UBP1: variants seen among roughly 807,000 people sequenced by gnomAD.
UBP1 encodes the protein upstream binding protein 1.
UBP1 carries 22 observed loss-of-function variants against 76.1 expected under a neutral mutation model. The ratio of observed to expected loss-of-function variants is 0.29; its 90% CI spans 0.21 to 0.41. The LOEUF is 0.41. Ranked by LOEUF, UBP1 falls within the 10% of genes least tolerant of loss-of-function variation. UBP1 has a pLI of 1.00. For missense variants in UBP1, 436 were observed against 668.1 expected, an observed-to-expected ratio of 0.65 and a Z score of 3.83; for synonymous variants, 224 against 237.1, an observed-to-expected ratio of 0.94 and a Z score of 0.51.
chr3:33,393,531 G>A (rs888882049), intron 13 of UBP1, 77 bp from the exon 14 acceptor site: 16 of 1,415,042 alleles, frequency 1.1e-5, no homozygotes, highest in Non-Finnish European at 1.5e-5. Context: ...TGTAGGATCT[G>A]TACGAAGGTC....
intron 3 of UBP1, chr3:33,414,081 T>C (rs112708656): frequency 0.015 from 2,123 of 140,462 alleles, 21 homozygotes; most frequent in South Asian, 0.029. Context: ...TTCTAGAAGG[T>C]TGGACTAAAA....
Position 33,440,110 on chromosome 3 carries a change from C to T in UBP1, c.-262G>A. 1 of 317,308 alleles carries T rather than the reference C, an allele frequency of 3.2e-6. No individual in the cohort carries two copies. The highest frequency in any genetic ancestry group is 5.7e-6 in the Non-Finnish European group (1 of 174,852). The allele number at this position is 317,308 out of a possible 1,614,324, so 19.7% of individuals were successfully genotyped here. A position where few individuals can be genotyped will look rare whatever the true frequency, so the allele number is the denominator to read the frequency against. On this transcript the variant is annotated 5_prime_UTR_variant, in exon 1 of 16. Transcript: ENST00000283629. ...ACACCGGCCCTGCGCCTCATGCCGG[C>T]GCCGCCGCCCAGCCCCCGCGCCGCT...
chr3:33,408,922 A>G, intron 7 of UBP1, 125 bp from the exon 8 acceptor site: 2 of 999,210 alleles, frequency 2.0e-6, no homozygotes, highest in Non-Finnish European at 3.0e-6. Flanking sequence ...AAAGTTAAAA[A>G]AAATGCAAAA....
intron 10 of UBP1, 96 bp from the exon 11 acceptor site, chr3:33,400,378 C>T: frequency 2.1e-6 from 2 of 933,602 alleles, no homozygotes; most frequent in South Asian, 1.8e-5. Context: ...AAGTAAAAAA[C>T]ACCCAAAAAG....
At chr3:33,395,693 C>T (rs2043951420) in intron 13 of UBP1, among the ~76,000 whole-genome samples, 1 of 132,380 alleles carries the variant, frequency 7.6e-6, no homozygotes, top group African/African-American at 2.9e-5. Context: ...TACATGCAGG[C>T]ACTGTTGCAC....
intron 8 of UBP1, among the ~76,000 whole-genome samples, chr3:33,405,453 T>C (rs1286560394): frequency 6.6e-6 from 1 of 152,232 alleles, no homozygotes; most frequent in Non-Finnish European, 1.5e-5. Flanking sequence ...TTTGCAGCTA[T>C]TTAAATTTAT....
chr3:33,431,126 T>G (rs574995330), intron 1 of UBP1, among the ~76,000 whole-genome samples: 3 of 152,134 alleles, frequency 2.0e-5, no homozygotes, highest in Non-Finnish European at 4.4e-5. Context: ...TCAGGTTTAA[T>G]AGCAGCTCAG....
chr3:33,397,936 GAAC>G (rs1349571801), intron 11 of UBP1: 1 of 152,116 alleles, frequency 6.6e-6, no homozygotes, highest in African/African-American at 2.4e-5. Flanking sequence ...TACACACCAT[GAAC>G]TACTATTCAG....
intron 7 of UBP1, 69 bp downstream of exon 7, chr3:33,409,167 C>A: frequency 6.9e-7 from 1 of 1,446,116 alleles, no homozygotes; most frequent in Non-Finnish European, 9.6e-7. Flanking sequence ...TGTAGCAGAA[C>A]TCATCTTAGA....
chr3:33,412,226 A>G (rs2154057520), intron 4 of UBP1, among the ~76,000 whole-genome samples: 1 of 151,976 alleles, frequency 6.6e-6, no homozygotes, highest in South Asian at 2.1e-4. Flanking sequence ...TTTACAATTA[A>G]ACGGTTTCAA....
chr3:33,429,669 T>C (rs2045081272), intron 1 of UBP1, among the ~76,000 whole-genome samples: 2 of 152,234 alleles, frequency 1.3e-5, no homozygotes, highest in South Asian at 4.1e-4. Context: ...AAGATCTACA[T>C]GTTGGTAAAT....
rs140702425 is a variant in UBP1, at chr3:33,392,542, A to G, written c.1585+21T>C. 5 of 1,597,338 alleles carry G rather than the reference A, an allele frequency of 3.1e-6. No homozygotes were observed. The African/African-American group carries it at 5.4e-5, about 17-fold the overall frequency. ...TCTCTCATGATTCCAGCATTTTAAGACACACACACATGCAAAGTACCTTTT... is the reference window on the plus strand; with the variant it reads ...TCTCTCATGATTCCAGCATTTTAAGGCACACACACATGCAAAGTACCTTTT... On this transcript the variant is annotated intron_variant, in intron 15 of 15. Transcript: ENST00000283629.
intron 2 of UBP1, among the ~76,000 whole-genome samples, chr3:33,424,167 C>G (rs904830972): frequency 6.6e-6 from 1 of 152,164 alleles, no homozygotes; most frequent in Non-Finnish European, 1.5e-5. Context: ...CAACAGATTA[C>G]CAAATAAGTT....
intron 13 of UBP1, among the ~76,000 whole-genome samples, chr3:33,394,688 GT>G (rs2043899499): frequency 6.6e-6 from 1 of 152,124 alleles, no homozygotes; most frequent in Non-Finnish European, 1.5e-5. Context: ...GGGTCTGTGA[GT>G]ATAGAAACCC....
chr3:33,428,688 T>C (rs1252467446), intron 1 of UBP1, among the ~76,000 whole-genome samples: 1 of 151,974 alleles, frequency 6.6e-6, no homozygotes, highest in Admixed American at 6.6e-5. Flanking sequence ...AGAAAGAAAA[T>C]GCCTTCCAGT....
chr3:33,401,023 A>G lies in UBP1; in HGVS notation c.1032-7T>C, dbSNP rs1380798624. On this transcript the variant is annotated splice_polypyrimidine_tract_variant and splice_region_variant and intron_variant, in intron 9 of 15. Coordinates refer to ENST00000283629, the MANE Select transcript of UBP1 (RefSeq NM_014517.5). ...ATTTGGGGAAGAAGAATTGCTGGGG[A>G]GAAAGGAGAAAGAAGGAAATGATGA... The G allele has an allele frequency of 1.3e-6, 2 of 1,586,472 alleles. No homozygotes were observed.
intron 11 of UBP1, among the ~76,000 whole-genome samples, chr3:33,399,431 T>TA (rs2044136753): frequency 6.6e-6 from 1 of 152,066 alleles, no homozygotes; most frequent in Non-Finnish European, 1.5e-5. Context: ...CATAAGTATA[T>TA]AAAAACTGTA....
At chr3:33,418,582 C>T (rs772480245) in intron 2 of UBP1, among the ~76,000 whole-genome samples, 10 of 151,778 alleles carry the variant, frequency 6.6e-5, no homozygotes, top group Non-Finnish European at 1.3e-4. Flanking sequence ...AATTAGGCTG[C>T]GCGCAGTGGC....
chr3:33,421,407 G>A (rs569548527), intron 2 of UBP1, among the ~76,000 whole-genome samples: 1 of 152,264 alleles, frequency 6.6e-6, no homozygotes, highest in East Asian at 1.9e-4. Flanking sequence ...CGAGTAGCTG[G>A]GACTACAGGC....
Sources: allele counts gnomAD v4.1 joint callset (sites outside exome capture counted in the v4.1 genomes callset), GRCh38; gene constraint gnomAD v4.1.1; transcripts MANE v1.5; gene names NCBI Gene and HGNC (gene_info 2026-07-23, HGNC 2026-07-21).